HS3ST5: variants seen among roughly 807,000 people sequenced by gnomAD.
The protein encoded by HS3ST5 is heparan sulfate glucosamine 3-O-sulfotransferase 5.
Under a neutral mutation model 25.4 loss-of-function variants are expected in HS3ST5, and 10 were observed. The observed-to-expected ratio is 0.39, with a 90% CI of 0.24 to 0.67. The LOEUF (loss-of-function observed/expected upper bound fraction) is 0.67. Among genes scored for constraint, HS3ST5 ranks in the 30% least tolerant of loss-of-function variants. The pLI is 0.44. For missense variants in HS3ST5, 324 were observed against 420.7 expected (o/e 0.77, Z 2.01); for synonymous variants, 170 against 162.4 (o/e 1.05, Z -0.36).
intron 3 of HS3ST5, among the ~76,000 whole-genome samples, chr6:114,122,630 CACCTAGGATGTGAA>C (rs1582624839): frequency 6.6e-6 from 1 of 152,262 alleles, no homozygotes; most frequent in East Asian, 1.9e-4. Context: ...GAGAATAATT[CACCTAGGATGTGAA>C]ACCTACCCTT....
intron 2 of HS3ST5, among the ~76,000 whole-genome samples, chr6:114,191,745 C>T (rs986936738): frequency 6.6e-6 from 1 of 152,092 alleles, no homozygotes; most frequent in Admixed American, 6.5e-5. Context: ...AAATGTTTGG[C>T]CCTGTCCACC....
intron 1 of HS3ST5, among the ~76,000 whole-genome samples, chr6:114,254,569 T>C (rs952737371): frequency 2.6e-5 from 4 of 152,168 alleles, no homozygotes; most frequent in African/African-American, 9.7e-5. Context: ...TTCACACTGC[T>C]GATAAAGACG....
rs146789825 is a variant in HS3ST5 at position 114,261,561 on chromosome 6, G to C, written c.-338-32783C>G. Among the ~76,000 whole-genome samples, 4 of 152,274 alleles carry C rather than the reference G, an allele frequency of 2.6e-5. No homozygotes were observed. In the East Asian group the frequency reaches 5.8e-4, roughly 22 times the overall value. On this transcript the variant is annotated intron_variant, in intron 1 of 4. Coordinates refer to ENST00000312719, the MANE Select transcript of HS3ST5 (RefSeq NM_153612.4). ...TGATATTTATACTATTTTTCACAGA[G>C]AGAGGAGAAGAGAGAAGTAGGGTTT...
At chr6:114,289,597 T>C (rs1337324750) in intron 1 of HS3ST5, among the ~76,000 whole-genome samples, 1 of 152,116 alleles carries the variant, frequency 6.6e-6, no homozygotes, top group African/African-American at 2.4e-5. Context: ...AAATCACAGA[T>C]GATAAAACCT....
intron 1 of HS3ST5, among the ~76,000 whole-genome samples, chr6:114,322,074 A>T (rs552556266): frequency 8.1e-4 from 124 of 152,250 alleles, no homozygotes; most frequent in African/African-American, 3.0e-3. Context: ...TTTCCTTGGC[A>T]TGATAATTCT....
chr6:114,188,608 T>G (rs903016909), intron 2 of HS3ST5, among the ~76,000 whole-genome samples: 1 of 152,244 alleles, frequency 6.6e-6, no homozygotes, highest in East Asian at 1.9e-4. Flanking sequence ...GTGGCATTTT[T>G]TTATTATCTT....
At chr6:114,063,085 A>G (rs1204482384) in intron 3 of HS3ST5, among the ~76,000 whole-genome samples, 1 of 152,214 alleles carries the variant, frequency 6.6e-6, no homozygotes. Flanking sequence ...TACTAACTCA[A>G]TGGGGAAGGA....
intron 2 of HS3ST5, among the ~76,000 whole-genome samples, chr6:114,187,345 A>G (rs972449177): frequency 2.6e-5 from 4 of 152,236 alleles, no homozygotes; most frequent in African/African-American, 9.6e-5. Flanking sequence ...ACATGGGAGG[A>G]GTTCAAAATA....
At chr6:114,184,054 C>CTTTTTTTTTTT (rs34370810) in intron 2 of HS3ST5, among the ~76,000 whole-genome samples, 1 of 78,738 alleles carries the variant, frequency 1.3e-5, no homozygotes, top group Non-Finnish European at 2.2e-5. Flanking sequence ...TTTTTCCTTT[C>CTTTTTTTTTTT]TTTTTTTTTT....
chr6:114,166,329 CTTCACAT>C (rs1011373392), intron 3 of HS3ST5, among the ~76,000 whole-genome samples: 1 of 152,150 alleles, frequency 6.6e-6, no homozygotes, highest in African/African-American at 2.4e-5. Flanking sequence ...GTGCTCAGTA[CTTCACAT>C]GCACAAAGAA....
At chr6:114,175,055 C>A (rs373249661) in intron 2 of HS3ST5, among the ~76,000 whole-genome samples, 103 of 152,146 alleles carry the variant, frequency 6.8e-4, no homozygotes, top group African/African-American at 2.3e-3. Flanking sequence ...CTCTGGAATG[C>A]CATGCTAAGA....
intron 1 of HS3ST5, among the ~76,000 whole-genome samples, chr6:114,241,935 T>C (rs1214057735): frequency 2.6e-5 from 4 of 152,230 alleles, no homozygotes; most frequent in Non-Finnish European, 4.4e-5. Context: ...TCATTCTCCA[T>C]AGTACCATCC....
intron 1 of HS3ST5, among the ~76,000 whole-genome samples, chr6:114,318,911 T>C (rs1314734261): frequency 6.6e-6 from 1 of 152,190 alleles, no homozygotes; most frequent in East Asian, 1.9e-4. Flanking sequence ...GATTAAAACA[T>C]CCCTTTTATT....
At chr6:114,084,248 G>A (rs1199453298) in intron 3 of HS3ST5, 18 of 1,004,600 alleles carry the variant, frequency 1.8e-5, no homozygotes, top group African/African-American at 1.6e-5. Flanking sequence ...GTGGCAGGCT[G>A]AGCACTCCAA....
chr6:114,190,855 C>G (rs1780467196), intron 2 of HS3ST5, among the ~76,000 whole-genome samples: 1 of 152,168 alleles, frequency 6.6e-6, no homozygotes, highest in African/African-American at 2.4e-5. Flanking sequence ...TAGACTGAAA[C>G]AGAATACCAG....
At chr6:114,283,628 C>A (rs1774220216) in intron 1 of HS3ST5, among the ~76,000 whole-genome samples, 1 of 151,668 alleles carries the variant, frequency 6.6e-6, no homozygotes, top group Non-Finnish European at 1.5e-5. Flanking sequence ...GTTCACAATG[C>A]AGACAGTCAA....
chr6:114,306,287 A>G (rs1380087230), intron 1 of HS3ST5, among the ~76,000 whole-genome samples: 1 of 147,400 alleles, frequency 6.8e-6, no homozygotes, highest in Non-Finnish European at 1.5e-5. Flanking sequence ...ACATATATAT[A>G]TATATAAAAT....
chr6:114,123,087 G>T (rs1023070919), intron 3 of HS3ST5, among the ~76,000 whole-genome samples: 1 of 152,110 alleles, frequency 6.6e-6, no homozygotes, highest in Admixed American at 6.5e-5. Context: ...CCGAGTAGCT[G>T]GGATTACAGG....
At chr6:114,144,706 G>C (rs557480602) in intron 3 of HS3ST5, among the ~76,000 whole-genome samples, 1 of 152,288 alleles carries the variant, frequency 6.6e-6, no homozygotes, top group East Asian at 1.9e-4. Flanking sequence ...GCATTAGGTA[G>C]AACTGGGCAC....
Sources: gnomAD v4.1 joint callset for allele counts (sites outside exome capture counted in the v4.1 genomes callset) on GRCh38, gnomAD v4.1.1 for gene constraint, MANE v1.5 for transcripts, NCBI Gene and HGNC (gene_info 2026-07-23, HGNC 2026-07-21) for gene names.